The following NDUFAF7 variants were observed in gnomAD, a reference collection of about 807,000 sequenced individuals.
NDUFAF7 encodes NADH:ubiquinone oxidoreductase complex assembly factor 7.
A neutral mutation model predicts 47.2 loss-of-function variants in NDUFAF7; 48 were observed. The ratio of observed to expected loss-of-function variants is 1.02; its 90% confidence interval spans 0.81 to 1.29. The LOEUF is 1.29. NDUFAF7 is among the 50% of genes most tolerant of loss of function. The probability of loss-of-function intolerance (pLI) is 0.00; values close to 1 mark genes in which losing one functional copy is unlikely to be tolerated. For missense variants in NDUFAF7, 635 were observed against 537.6 expected, an observed-to-expected ratio of 1.18 and a Z score of -1.79; for synonymous variants, 217 against 190.0, an observed-to-expected ratio of 1.14 and a Z score of -1.17.
rs765342951 is a variant in NDUFAF7, at chr2:37,247,680, A to T, written c.1110+51A>T. Reference sequence around the variant, plus strand: ...ATTAAGTACTTTCATAGTATTTCAAAAATTACTTTAAATAGTATGTTCACC... The same window carrying T: ...ATTAAGTACTTTCATAGTATTTCAATAATTACTTTAAATAGTATGTTCACC... On this transcript the variant is annotated intron_variant, in intron 9 of 9. Coordinates refer to ENST00000002125, the MANE Select transcript of NDUFAF7 (RefSeq NM_144736.5). 4.1e-5 allele frequency: 65 copies of T among 1,587,604 alleles called. No homozygotes were observed. In the Admixed American group the frequency reaches 1.1e-3, roughly 26 times the overall value.
chr2:37,257,023 T>C (rs1477415035), downstream of NDUFAF7: 4 of 1,322,886 alleles, frequency 3.0e-6, no homozygotes, highest in African/African-American at 1.5e-5. Flanking sequence ...CATTTCAACA[T>C]ACTTGCCAGC....
downstream of NDUFAF7, among the ~76,000 whole-genome samples, chr2:37,250,062 T>TATC (rs1667354272): frequency 6.6e-6 from 1 of 152,054 alleles, no homozygotes; most frequent in South Asian, 2.1e-4. Flanking sequence ...GCTCATTAGC[T>TATC]ATCATTAGTG....
intron 8 of NDUFAF7, among the ~76,000 whole-genome samples, chr2:37,246,505 A>G (rs907969129): frequency 7.9e-5 from 12 of 152,268 alleles, no homozygotes; most frequent in Non-Finnish European, 1.8e-4. Context: ...TCTTAAACCT[A>G]TCTGTAACCC....
chr2:37,252,697 C>CTTAT (rs1667590290), downstream of NDUFAF7: 1 of 152,006 alleles, frequency 6.6e-6, no homozygotes, highest in South Asian at 2.1e-4. Flanking sequence ...AGTAACATCA[C>CTTAT]ATAATGGTAA....
At chr2:37,236,654 G>A (rs1231167652) in intron 3 of NDUFAF7, among the ~76,000 whole-genome samples, 7 of 151,742 alleles carry the variant, frequency 4.6e-5, no homozygotes, top group East Asian at 2.0e-4. Context: ...GGTGGCGGTC[G>A]CCTGTAGTCC....
At chr2:37,260,243 T>C in the NDUFAF7 span, 2 of 1,611,282 alleles carry the variant, frequency 1.2e-6, no homozygotes, top group Non-Finnish European at 1.7e-6. Context: ...ATGAATTTAG[T>C]AATTCGTTCT....
chr2:37,259,525 T>C, the NDUFAF7 span: 14 of 1,346,780 alleles, frequency 1.0e-5, no homozygotes, highest in Non-Finnish European at 1.4e-5. Context: ...CCTTTTATTA[T>C]GTGGGTGCTT....
intron 3 of NDUFAF7, among the ~76,000 whole-genome samples, chr2:37,236,406 A>C (rs1665758036): frequency 6.6e-6 from 1 of 152,134 alleles, no homozygotes. Context: ...TGGAGAGATA[A>C]GAGGGACAAA....
downstream of NDUFAF7, among the ~76,000 whole-genome samples, chr2:37,249,570 C>CAT (rs1374902550): frequency 4.3e-4 from 49 of 114,054 alleles, no homozygotes; most frequent in East Asian, 0.01. Flanking sequence ...CACACACACA[C>CAT]ACACACACAC....
chr2:37,257,347 C>G (rs1668033166), downstream of NDUFAF7, among the ~76,000 whole-genome samples: 1 of 152,082 alleles, frequency 6.6e-6, no homozygotes, highest in African/African-American at 2.4e-5. Flanking sequence ...CATAAAGGTA[C>G]TCAATGTTTG....
intron 4 of NDUFAF7, 27 bp from the exon 5 acceptor site, chr2:37,241,551 A>AT (rs761670320): frequency 5.3e-4 from 814 of 1,530,988 alleles, no homozygotes; most frequent in Non-Finnish European, 6.5e-4. Context: ...AACACATTGT[A>AT]TTTTTTTTTC....
At chr2:37,259,526 G>T in the NDUFAF7 span, 1 of 1,349,694 alleles carries the variant, frequency 7.4e-7, no homozygotes, top group Non-Finnish European at 1.0e-6. Flanking sequence ...CTTTTATTAT[G>T]TGGGTGCTTT....
At chr2:37,263,150 TCTTG>T in the NDUFAF7 span, among the ~76,000 whole-genome samples, 4 of 152,196 alleles carry the variant, frequency 2.6e-5, no homozygotes, top group Non-Finnish European at 4.4e-5. Flanking sequence ...TTTCATTCTT[TCTTG>T]CTTAATATTT....
intron 4 of NDUFAF7, among the ~76,000 whole-genome samples, chr2:37,239,474 T>C (rs1255883489): frequency 2.0e-5 from 3 of 152,064 alleles, no homozygotes; most frequent in Admixed American, 2.0e-4. Flanking sequence ...CAAAGTTTCT[T>C]ATATTGTATG....
downstream of NDUFAF7, chr2:37,251,599 T>A (rs1249838853): frequency 6.6e-6 from 1 of 152,422 alleles, no homozygotes; most frequent in Non-Finnish European, 1.5e-5. Context: ...CTCAGTCTGT[T>A]CATGTACCAG....
rs924698414 is a variant in NDUFAF7, at chr2:37,236,039, T to G, written c.217-57T>G. On this transcript the variant is annotated intron_variant, in intron 2 of 9. Coordinates refer to ENST00000002125, the MANE Select transcript of NDUFAF7 (RefSeq NM_144736.5). ...ATTATTTAAGATTTTGGAGGGGTAT[T>G]TTTAAAAGGCTTATTTGAAAATTAA... The G allele has an allele frequency of 2.1e-6, 3 of 1,417,658 alleles. No homozygotes were observed. The African/African-American group carries it at 4.2e-5, about 20-fold the overall frequency. 87.8% of individuals were successfully genotyped at this position (1,417,658 alleles called of 1,614,324 possible).
At chr2:37,237,615 C>T (rs1458693654) in intron 3 of NDUFAF7, 142 bp from the exon 4 acceptor site, 16 of 663,518 alleles carry the variant, frequency 2.4e-5, no homozygotes, top group African/African-American at 9.0e-5. Flanking sequence ...TGAACATGTA[C>T]GTATGTATTG....
downstream of NDUFAF7, chr2:37,256,518 T>TA (rs377723318): frequency 9.0e-7 from 1 of 1,111,306 alleles, no homozygotes; most frequent in African/African-American, 1.6e-5. Context: ...AAAAAACTGG[T>TA]AACTAGTTGA....
chr2:37,244,292 C>T (rs1666684467), intron 7 of NDUFAF7, among the ~76,000 whole-genome samples: 1 of 152,208 alleles, frequency 6.6e-6, no homozygotes, highest in Admixed American at 6.5e-5. Context: ...GAAGAGTTTA[C>T]ATCTGTGAAA....
Sources: gnomAD v4.1 joint callset for allele counts (sites outside exome capture counted in the v4.1 genomes callset) on GRCh38, gnomAD v4.1.1 for gene constraint, MANE v1.5 for transcripts, NCBI Gene and HGNC (gene_info 2026-07-23, HGNC 2026-07-21) for gene names.